Variants in FSTL5 observed in about 807,000 individuals in gnomAD.
FSTL5 encodes the protein follistatin like 5.
In FSTL5, 62 loss-of-function variants were observed where a neutral mutation model predicts 89.1. That is an observed-to-expected ratio of 0.70 (90% confidence interval 0.57 to 0.86). The LOEUF (loss-of-function observed/expected upper bound fraction) is 0.86, where lower values mean the gene tolerates loss of function less well. Ranked by LOEUF, FSTL5 falls within the 40% of genes least tolerant of loss-of-function variation. FSTL5 has a pLI of 0.00. For missense variants in FSTL5, 1,057 were observed against 1,001.6 expected (o/e 1.06, Z -0.75); for synonymous variants, 383 against 346.2 (o/e 1.11, Z -1.18).
intron 6 of FSTL5, among the ~76,000 whole-genome samples, chr4:161,718,360 T>C (rs994174688): frequency 6.6e-6 from 1 of 152,176 alleles, no homozygotes; most frequent in Non-Finnish European, 1.5e-5. Flanking sequence ...CATTTTTATA[T>C]TATTCATTAA....
At chr4:161,458,312 T>A (rs1733436532) in intron 14 of FSTL5, among the ~76,000 whole-genome samples, 2 of 152,320 alleles carry the variant, frequency 1.3e-5, no homozygotes, top group South Asian at 2.1e-4. Flanking sequence ...TATAATATTT[T>A]TTCAATGTTT....
chr4:161,998,842 G>C (rs1736377448), intron 3 of FSTL5, among the ~76,000 whole-genome samples: 1 of 132,732 alleles, frequency 7.5e-6, no homozygotes, highest in African/African-American at 2.9e-5. Context: ...TGGTGAAGCA[G>C]TTAAACACAC....
At chr4:161,966,285 T>C (rs1422512742) in intron 3 of FSTL5, among the ~76,000 whole-genome samples, 1 of 152,126 alleles carries the variant, frequency 6.6e-6, no homozygotes, top group African/African-American at 2.4e-5. Flanking sequence ...TGTTGATTTC[T>C]AGCTGTCTAT....
chr4:161,988,033 G>T (rs575378652), intron 3 of FSTL5, among the ~76,000 whole-genome samples: 6 of 150,842 alleles, frequency 4.0e-5, no homozygotes, highest in African/African-American at 1.5e-4. Context: ...ATTTTATTGT[G>T]AGAGAATAAA....
intron 1 of FSTL5, among the ~76,000 whole-genome samples, chr4:162,141,180 G>A (rs949728113): frequency 1.8e-4 from 13 of 70,452 alleles, no homozygotes; most frequent in Non-Finnish European, 1.2e-4. Context: ...GCAGTGGCGC[G>A]ATCTCGACTC....
At chr4:161,930,362 G>C (rs1734253221) in intron 3 of FSTL5, among the ~76,000 whole-genome samples, 1 of 151,746 alleles carries the variant, frequency 6.6e-6, no homozygotes, top group Non-Finnish European at 1.5e-5. Context: ...TTAAAATACT[G>C]ATTAGTTCAT....
chr4:162,088,468 C>T (rs544429457), intron 2 of FSTL5, among the ~76,000 whole-genome samples: 11 of 151,860 alleles, frequency 7.2e-5, no homozygotes, highest in African/African-American at 2.2e-4. Flanking sequence ...CATATAACTG[C>T]GACATTTTTA....
At chr4:161,740,007 T>C (rs1293817773) in intron 6 of FSTL5, among the ~76,000 whole-genome samples, 1 of 150,800 alleles carries the variant, frequency 6.6e-6, no homozygotes, top group Non-Finnish European at 1.5e-5. Flanking sequence ...TATTTATTTA[T>C]TTATTTATTT....
intron 4 of FSTL5, among the ~76,000 whole-genome samples, chr4:161,783,436 C>T (rs1741740448): frequency 6.6e-6 from 1 of 151,946 alleles, no homozygotes; most frequent in Non-Finnish European, 1.5e-5. Flanking sequence ...GGCCTTCCGT[C>T]TTCTCACAAT....
rs138824616 is a variant in FSTL5 at position 161,493,575 on chromosome 4, G to T, written c.1458+6441C>A. Among the ~76,000 whole-genome samples the T allele has an allele frequency of 2.0e-3, 297 of 152,014 alleles. 2 individuals are homozygous for T. Among genetic ancestry groups the T allele is most frequent in the Non-Finnish European group, 3.3e-3 (225 of 67,910 alleles). On this transcript the variant is annotated intron_variant, in intron 12 of 15. Coordinates refer to ENST00000306100, the MANE Select transcript of FSTL5 (RefSeq NM_020116.5). ...AAGACACATCTAATATGATAGATTT[G>T]TGTGATTTTGTAAATCTCAAGTAAA...
chr4:162,036,136 C>G (rs555171286), intron 2 of FSTL5, among the ~76,000 whole-genome samples: 1 of 152,054 alleles, frequency 6.6e-6, no homozygotes, highest in Admixed American at 6.6e-5. Flanking sequence ...AGCCTTAAGT[C>G]TCGTTCTATT....
chr4:162,082,218 C>G (rs900484414), intron 2 of FSTL5, among the ~76,000 whole-genome samples: 1 of 150,794 alleles, frequency 6.6e-6, no homozygotes, highest in African/African-American at 2.4e-5. Context: ...TTTCCACTTT[C>G]ATTTGGTTTG....
chr4:161,522,976 T>G (rs1731090482), intron 10 of FSTL5, among the ~76,000 whole-genome samples: 2 of 152,038 alleles, frequency 1.3e-5, no homozygotes, highest in African/African-American at 4.8e-5. Context: ...AAGCTAATAA[T>G]CATCAAAGGA....
At chr4:161,632,681 A>G (rs1016214728) in intron 7 of FSTL5, among the ~76,000 whole-genome samples, 1 of 152,166 alleles carries the variant, frequency 6.6e-6, no homozygotes, top group East Asian at 1.9e-4. Context: ...TTTTTTATTG[A>G]TTTCTGTGTT....
At chr4:161,441,372 C>T (rs1379120853) in intron 15 of FSTL5, among the ~76,000 whole-genome samples, 1 of 151,878 alleles carries the variant, frequency 6.6e-6, no homozygotes, top group Non-Finnish European at 1.5e-5. Context: ...ATGATATTGC[C>T]CTTCATTGTT....
At chr4:161,435,902 T>G (rs998277686) in intron 15 of FSTL5, among the ~76,000 whole-genome samples, 4 of 152,024 alleles carry the variant, frequency 2.6e-5, no homozygotes, top group African/African-American at 4.8e-5. Flanking sequence ...CCCAAAGAAC[T>G]AAAACTTTTT....
intron 1 of FSTL5, among the ~76,000 whole-genome samples, chr4:162,151,017 TAGAGA>T (rs1733203852): frequency 6.6e-6 from 1 of 152,160 alleles, no homozygotes; most frequent in African/African-American, 2.4e-5. Flanking sequence ...AATGCCATTA[TAGAGA>T]AATCAATTAC....
chr4:161,840,427 T>G (rs1731175290), intron 4 of FSTL5, among the ~76,000 whole-genome samples: 1 of 152,182 alleles, frequency 6.6e-6, no homozygotes, highest in South Asian at 2.1e-4. Context: ...GTTTAGAGGG[T>G]TATATTATAA....
At chr4:161,761,000 T>C (rs2126790676) in intron 5 of FSTL5, among the ~76,000 whole-genome samples, 1 of 152,314 alleles carries the variant, frequency 6.6e-6, no homozygotes, top group African/African-American at 2.4e-5. Context: ...TGATATGTAA[T>C]GTTAGCACAT....
Sources: gnomAD v4.1 joint callset for allele counts (sites outside exome capture counted in the v4.1 genomes callset) on GRCh38, gnomAD v4.1.1 for gene constraint, MANE v1.5 for transcripts, NCBI Gene and HGNC (gene_info 2026-07-23, HGNC 2026-07-21) for gene names.